P4HA2: variants seen among roughly 807,000 people sequenced by gnomAD.
P4HA2 encodes the protein prolyl 4-hydroxylase subunit alpha 2.
Under a neutral mutation model 76.9 loss-of-function variants are expected in P4HA2, and 46 were observed. The observed-to-expected ratio is 0.60, with a 90% CI of 0.47 to 0.76. The LOEUF (loss-of-function observed/expected upper bound fraction) is 0.76. Among genes scored for constraint, P4HA2 ranks in the 30% least tolerant of loss-of-function variants. The pLI is 0.00. For missense variants in P4HA2, 583 were observed against 669.4 expected (o/e 0.87, Z 1.42); for synonymous variants, 243 against 254.0 (o/e 0.96, Z 0.41).
intron 5 of P4HA2, 60 bp downstream of exon 5, chr5:132,213,856 A>C (rs1002876167): frequency 3.2e-6 from 5 of 1,569,428 alleles, no homozygotes; most frequent in Non-Finnish European, 3.5e-6. Context: ...GGTGGCTCCA[A>C]CCTGTCCCGC....
rs76741539 is a variant in P4HA2, at chr5:132,191,511, CAAA to C, written c.*1496_*1498del. Reference sequence around the variant, plus strand: ...TGGGCGACAGAGCGAGACTCCGTCTCAAAAAAAAAAAAAAAAAAAAAGATTTCA... The same window carrying C: ...TGGGCGACAGAGCGAGACTCCGTCTCAAAAAAAAAAAAAAAAAAGATTTCA... On this transcript the variant is annotated 3_prime_UTR_variant, in exon 15 of 15. Coordinates refer to ENST00000360568, the MANE Select transcript of P4HA2 (RefSeq NM_001017974.2). 2.0e-5 allele frequency among the ~76,000 whole-genome samples: 1 copy of C among 49,112 alleles called. No homozygotes were observed. The highest frequency in any genetic ancestry group is 6.6e-5 in the African/African-American group (1 of 15,232). 32.2% of individuals were successfully genotyped at this position (49,112 alleles called of 152,430 possible).
rs755355560 is a variant in P4HA2 at position 132,217,300 on chromosome 5, A to C, written c.228T>G (p.Ala76=). The C allele has an allele frequency of 1.9e-6, 3 of 1,614,204 alleles. No individual in the cohort carries two copies. Among genetic ancestry groups the C allele is most frequent in the Non-Finnish European group, 2.5e-6 (3 of 1,179,990 alleles). The change falls in exon 4 of 15, where the codon GCT becomes GCG. Residue 76 remains alanine (A), a synonymous_variant. Transcript: ENST00000360568. ...EALTSKSAAD[A]EGYLAHPVNA... ...TCACAGGGTGAGCCAGGTAGCCCTC[A>C]GCATCAGCAGCTGACTTGCTAGTCA...
intron 5 of P4HA2, among the ~76,000 whole-genome samples, chr5:132,213,566 G>T (rs1173473631): frequency 1.3e-5 from 2 of 152,198 alleles, no homozygotes; most frequent in Non-Finnish European, 2.9e-5. Context: ...AGTAAGCCCA[G>T]ATCAGCCTTA....
At chr5:132,208,769 G>A (rs996640016) in intron 7 of P4HA2, among the ~76,000 whole-genome samples, 7 of 151,850 alleles carry the variant, frequency 4.6e-5, no homozygotes, top group African/African-American at 1.2e-4. Context: ...TCTAGTACAC[G>A]CTGGTGTCTT....
intron 3 of P4HA2, 187 bp from the exon 4 acceptor site, chr5:132,217,535 C>A: frequency 1.6e-6 from 1 of 643,628 alleles, no homozygotes; most frequent in Non-Finnish European, 2.7e-6. Flanking sequence ...ACAGCTGGGA[C>A]CCCCAATGTA....
chr5:132,196,946 C>A (rs945700490), intron 12 of P4HA2, among the ~76,000 whole-genome samples: 3 of 151,670 alleles, frequency 2.0e-5, no homozygotes, highest in Non-Finnish European at 4.4e-5. Flanking sequence ...ACAAGAGAGA[C>A]CACATATGTT....
intron 7 of P4HA2, 40 bp downstream of exon 7, chr5:132,209,098 G>A (rs199783010): frequency 1.9e-5 from 28 of 1,495,450 alleles, no homozygotes; most frequent in Middle Eastern, 2.2e-4. Context: ...CAGAGTCCAG[G>A]TCCACAGCTT....
chr5:132,217,672 G>T, intron 3 of P4HA2, 80 bp downstream of exon 3: 1 of 903,906 alleles, frequency 1.1e-6, no homozygotes, highest in Non-Finnish European at 1.9e-6. Flanking sequence ...CCTCTTATAG[G>T]CACCCTGGAT....
At chr5:132,197,755 G>A (rs1333180687) in intron 12 of P4HA2, among the ~76,000 whole-genome samples, 4 of 151,982 alleles carry the variant, frequency 2.6e-5, no homozygotes, top group Non-Finnish European at 5.9e-5. Context: ...AAATCACAGC[G>A]ACAGAAAGCA....
intron 10 of P4HA2, chr5:132,202,292 A>G (rs1751605581): frequency 6.6e-6 from 1 of 152,252 alleles, no homozygotes; most frequent in Non-Finnish European, 1.5e-5. Flanking sequence ...CTTCACACCA[A>G]TCCATAAAGA....
intron 6 of P4HA2, 102 bp downstream of exon 6, chr5:132,210,182 A>C: frequency 1.5e-6 from 2 of 1,346,366 alleles, no homozygotes; most frequent in South Asian, 2.5e-5. Flanking sequence ...GTGACAGGGT[A>C]AACTGACTCA....
intron 8 of P4HA2, 21 bp from the exon 9 acceptor site, chr5:132,204,173 G>A: frequency 6.3e-7 from 1 of 1,587,552 alleles, no homozygotes; most frequent in Non-Finnish European, 8.7e-7. Context: ...GGAGGAGAGG[G>A]AAGACTTGAT....
At chr5:132,215,268 C>CA (rs1753669917) in intron 4 of P4HA2, among the ~76,000 whole-genome samples, 1 of 152,360 alleles carries the variant, frequency 6.6e-6, no homozygotes, top group East Asian at 1.9e-4. Context: ...GGCAAGAACT[C>CA]AAAGTCAGAG....
At chr5:132,200,547 C>CT (rs1369912666) in intron 10 of P4HA2, 7 of 152,178 alleles carry the variant, frequency 4.6e-5, no homozygotes, top group Non-Finnish European at 1.0e-4. Flanking sequence ...TTTCTCTCTC[C>CT]TTTTTTTTGG....
chr5:132,197,800 C>G (rs774442879), intron 12 of P4HA2: 4 of 168,150 alleles, frequency 2.4e-5, no homozygotes, highest in Non-Finnish European at 4.8e-5. Flanking sequence ...GGAGGGGAAT[C>G]TGGAATTATT....
intron 8 of P4HA2, among the ~76,000 whole-genome samples, chr5:132,207,385 T>C (rs1011199418): frequency 1.3e-5 from 2 of 152,198 alleles, no homozygotes; most frequent in African/African-American, 2.4e-5. Flanking sequence ...TAGCATCCTA[T>C]GGAACATTTC....
At chr5:132,209,861 A>G (rs79716920) in intron 6 of P4HA2, among the ~76,000 whole-genome samples, 3,293 of 151,932 alleles carry the variant, frequency 0.022, 53 homozygotes, top group Middle Eastern at 0.13. Flanking sequence ...ACAAAGTATC[A>G]ATGCCATATG....
At chr5:132,207,589 C>T (rs1056326589) in intron 8 of P4HA2, 119 bp downstream of exon 8, 1 of 768,388 alleles carries the variant, frequency 1.3e-6, no homozygotes, top group African/African-American at 1.7e-5. Context: ...CACGGTAGGC[C>T]CATGCTAGAT....
In P4HA2 at chr5:132,191,992, G is replaced by T. The variant is rs1475133962; in HGVS notation, c.*1018C>A. ...AATCTTAAAACAATGTTGAACAAAAGAAGCCACATACCCAAAAATATTTAC... is the reference window on the plus strand; with the variant it reads ...AATCTTAAAACAATGTTGAACAAAATAAGCCACATACCCAAAAATATTTAC... On this transcript the variant is annotated 3_prime_UTR_variant, in exon 15 of 15. Transcript: ENST00000360568. 1 of 152,172 alleles carries T rather than the reference G, an allele frequency of 6.6e-6. No homozygotes were observed. The highest frequency in any genetic ancestry group is 1.5e-5 in the Non-Finnish European group (1 of 68,024). 9.4% of individuals were successfully genotyped at this position (152,172 alleles called of 1,614,324 possible).
Sources: gnomAD v4.1 joint callset for allele counts (sites outside exome capture counted in the v4.1 genomes callset) on GRCh38, gnomAD v4.1.1 for gene constraint, MANE v1.5 for transcripts, NCBI Gene and HGNC (gene_info 2026-07-23, HGNC 2026-07-21) for gene names.